SCFD2: variants seen among roughly 807,000 people sequenced by gnomAD.
SCFD2 encodes the protein sec1 family domain-containing protein 2.
A neutral mutation model predicts 58.9 loss-of-function variants in SCFD2; 54 were observed. The observed-to-expected ratio is 0.92, with a 90% CI of 0.74 to 1.15. The LOEUF is 1.15. SCFD2 is among the 50% of genes most tolerant of loss of function. SCFD2 has a pLI of 0.00. For synonymous variants in SCFD2, 321 were observed against 335.9 expected, an observed-to-expected ratio of 0.96 and a Z score of 0.49; for missense variants, 805 against 836.6, an observed-to-expected ratio of 0.96 and a Z score of 0.47.
intron 8 of SCFD2, among the ~76,000 whole-genome samples, chr4:52,875,672 G>A (rs1306426134): frequency 6.6e-6 from 1 of 151,462 alleles, no homozygotes; most frequent in African/African-American, 2.4e-5. Context: ...AGTAGAAGAG[G>A]AAGAGAGAAG....
chr4:53,337,446 A>G (rs763217275), intron 2 of SCFD2, among the ~76,000 whole-genome samples: 14 of 152,254 alleles, frequency 9.2e-5, no homozygotes, highest in Non-Finnish European at 2.9e-5. Context: ...GAGGATATTC[A>G]GTCCATAACA....
intron 3 of SCFD2, among the ~76,000 whole-genome samples, chr4:53,310,923 T>C (rs1396454926): frequency 6.6e-6 from 1 of 152,210 alleles, no homozygotes; most frequent in African/African-American, 2.4e-5. Flanking sequence ...TAGAAGCCTT[T>C]ATCACAGTCA....
rs191088750 is a variant in SCFD2, at chr4:53,219,077, C to T, written c.1311+54749G>A. Among the ~76,000 whole-genome samples, 417 of 152,314 alleles carry T rather than the reference C, an allele frequency of 2.7e-3. 1 individual carries two copies. Among genetic ancestry groups the T allele is most frequent in the African/African-American group, 9.5e-3 (395 of 41,578 alleles). ...GAGGGTGCCTCCCCTTTAGGCTACT[C>T]GGGAGTCAGGGACCCACTGGAGGAG... On this transcript the variant is annotated intron_variant, in intron 4 of 8. Coordinates refer to ENST00000401642, the MANE Select transcript of SCFD2 (RefSeq NM_152540.4).
At chr4:53,290,961 T>C (rs11133259) in intron 3 of SCFD2, among the ~76,000 whole-genome samples, 148,717 of 152,236 alleles carry the variant, frequency 0.98, 72,747 homozygotes, top group Middle Eastern at 1. Flanking sequence ...AATTTCAAAC[T>C]TTCCAACAAA....
At chr4:53,348,976 C>A (rs1734138926) in intron 2 of SCFD2, among the ~76,000 whole-genome samples, 1 of 152,104 alleles carries the variant, frequency 6.6e-6, no homozygotes, top group Non-Finnish European at 1.5e-5. Flanking sequence ...CAATCTGGGC[C>A]TCCCAAAGTG....
intron 7 of SCFD2, among the ~76,000 whole-genome samples, chr4:52,891,386 G>A (rs1167914581): frequency 6.6e-6 from 1 of 152,108 alleles, no homozygotes; most frequent in Non-Finnish European, 1.5e-5. Context: ...GAGTGCTATG[G>A]AGGAAAATCA....
chr4:53,149,105 C>A (rs1419642564), intron 4 of SCFD2, among the ~76,000 whole-genome samples: 1 of 152,182 alleles, frequency 6.6e-6, no homozygotes, highest in Non-Finnish European at 1.5e-5. Context: ...GGCATGGATA[C>A]ATGTATTTCC....
chr4:52,929,969 C>T (rs301124), intron 5 of SCFD2, among the ~76,000 whole-genome samples: 36,196 of 151,984 alleles, frequency 0.24, 6,560 homozygotes, highest in African/African-American at 0.51. Flanking sequence ...TCCATTAAAC[C>T]ACCATTGACA....
In SCFD2 at chr4:52,959,571, A is replaced by G. The variant is rs1196954361; in HGVS notation, c.1562-38701T>C. ...CAAGAATGCAAGCCATTCTCTTTCA[A>G]TGGGGCCCAAAGTTAACCCCCAAAT... On this transcript the variant is annotated intron_variant, in intron 5 of 8. Transcript: ENST00000401642. 2.0e-5 allele frequency among the ~76,000 whole-genome samples: 3 copies of G among 152,048 alleles called. No homozygotes were observed. The East Asian group carries it at 5.8e-4, about 29-fold the overall frequency.
intron 5 of SCFD2, among the ~76,000 whole-genome samples, chr4:52,973,177 C>T (rs943565018): frequency 2.0e-5 from 3 of 152,062 alleles, no homozygotes; most frequent in African/African-American, 7.2e-5. Context: ...CAGAGCAGAA[C>T]TGAAGGAAAT....
chr4:53,073,216 AAAG>A (rs1432236470), intron 5 of SCFD2, among the ~76,000 whole-genome samples: 1 of 152,098 alleles, frequency 6.6e-6, no homozygotes, highest in Non-Finnish European at 1.5e-5. Flanking sequence ...GAGATGATTT[AAAG>A]AATACAGGAG....
intron 5 of SCFD2, among the ~76,000 whole-genome samples, chr4:52,959,677 C>G (rs898588424): frequency 2.0e-5 from 3 of 152,164 alleles, no homozygotes; most frequent in African/African-American, 7.2e-5. Flanking sequence ...TCCTCCTCCT[C>G]TAAAATGTTT....
chr4:53,004,513 A>G (rs1257304822), intron 5 of SCFD2, among the ~76,000 whole-genome samples: 1 of 152,152 alleles, frequency 6.6e-6, no homozygotes, highest in Non-Finnish European at 1.5e-5. Context: ...ACCCTACAAG[A>G]TAGGTACTAT....
chr4:53,210,953 A>G (rs560009570), intron 4 of SCFD2, among the ~76,000 whole-genome samples: 1 of 151,594 alleles, frequency 6.6e-6, no homozygotes, highest in Non-Finnish European at 1.5e-5. Context: ...CTCCATAAAA[A>G]CCCAAGACGG....
intron 5 of SCFD2, among the ~76,000 whole-genome samples, chr4:52,986,155 C>G (rs146560696): frequency 2.3e-4 from 35 of 152,198 alleles, no homozygotes; most frequent in Middle Eastern, 6.8e-3. Flanking sequence ...CCTCTTTGCC[C>G]CGTGAGAATT....
chr4:53,121,336 C>T (rs966906852), intron 5 of SCFD2, among the ~76,000 whole-genome samples: 1 of 152,176 alleles, frequency 6.6e-6, no homozygotes, highest in African/African-American at 2.4e-5. Context: ...TGATTCAACT[C>T]CCACCAGTTC....
rs150646085 is a variant in SCFD2, at chr4:53,070,839, T to A, written c.1561+74494A>T. Among the ~76,000 whole-genome samples, 8 of 152,242 alleles carry A rather than the reference T, an allele frequency of 5.3e-5. No individual in the cohort carries two copies. The East Asian group carries it at 1.5e-3, about 29-fold the overall frequency. On this transcript the variant is annotated intron_variant, in intron 5 of 8. Transcript: ENST00000401642. ...TGAGATTCTGATGAAAGTCATAGAT[T>A]CCTTTTCTCTCTATAAAAATATATA... is the stretch of plus-strand genomic sequence containing the variant.
rs575175133 is a variant in SCFD2 at position 53,261,377 on chromosome 4, A to G, written c.1311+12449T>C. Among the ~76,000 whole-genome samples, 13 of 152,226 alleles carry G rather than the reference A, an allele frequency of 8.5e-5. No homozygotes were observed. In the South Asian group the frequency reaches 1.5e-3, roughly 17 times the overall value. On this transcript the variant is annotated intron_variant, in intron 4 of 8. Coordinates refer to ENST00000401642, the MANE Select transcript of SCFD2 (RefSeq NM_152540.4). ...TTTGATGTAGGCATTTAGTGCTATA[A>G]ACTTTCCTATTAGCACCTTTTGCTG...
At chr4:53,302,564 T>A (rs1356963264) in intron 3 of SCFD2, among the ~76,000 whole-genome samples, 1 of 152,234 alleles carries the variant, frequency 6.6e-6, no homozygotes, top group Non-Finnish European at 1.5e-5. Flanking sequence ...CCCATCAAGC[T>A]ACCAATGCCT....
Sources: gnomAD v4.1 joint callset for allele counts (sites outside exome capture counted in the v4.1 genomes callset) on GRCh38, gnomAD v4.1.1 for gene constraint, MANE v1.5 for transcripts, NCBI Gene and HGNC (gene_info 2026-07-23, HGNC 2026-07-21) for gene names.